RASGRF1: variants seen among roughly 807,000 people sequenced by gnomAD.
RASGRF1 encodes the protein ras-specific guanine nucleotide-releasing factor 1.
In RASGRF1, 40 loss-of-function variants were observed where a neutral mutation model predicts 138.7. The observed-to-expected ratio is 0.29, with a 90% CI of 0.22 to 0.38. RASGRF1 has a LOEUF of 0.38. Ranked by LOEUF, RASGRF1 falls within the 10% of genes least tolerant of loss-of-function variation. The pLI is 1.00. For synonymous variants in RASGRF1, 614 were observed against 663.2 expected (o/e 0.93, Z 1.14); for missense variants, 1,108 against 1,650.4 (o/e 0.67, Z 5.69).
intron 8 of RASGRF1, among the ~76,000 whole-genome samples, chr15:79,029,561 G>A (rs1370090925): frequency 3.3e-5 from 5 of 152,068 alleles, no homozygotes; most frequent in Non-Finnish European, 7.4e-5. Flanking sequence ...CGAGGCTCCT[G>A]GGAGCCCTGG....
intron 1 of RASGRF1, among the ~76,000 whole-genome samples, chr15:79,083,863 A>T (rs2057946166): frequency 6.6e-6 from 1 of 152,238 alleles, no homozygotes; most frequent in Admixed American, 6.5e-5. Context: ...TAGGTAAAAC[A>T]TGTACTCTGG....
At chr15:79,035,343 A>G (rs2057204461) in intron 5 of RASGRF1, 133 bp from the exon 6 acceptor site, 3 of 682,774 alleles carry the variant, frequency 4.4e-6, no homozygotes, top group South Asian at 2.0e-5. Flanking sequence ...TGAAAACTGC[A>G]CCGGCAGGAT....
At position 78,980,715 on chromosome 15, in the gene RASGRF1, A is replaced by G. The variant is rs768646198; in HGVS notation, c.3415-16T>C. 1 of 1,572,412 alleles carries G rather than the reference A, an allele frequency of 6.4e-7. No homozygotes were observed. The highest frequency in any genetic ancestry group is 8.7e-7 in the Non-Finnish European group (1 of 1,144,744). On this transcript the variant is annotated splice_polypyrimidine_tract_variant and intron_variant, in intron 23 of 26. Transcript: ENST00000558480. ...AAGCTTTAGTCTAGAAGGAAGCAGA[A>G]GCATTTACTAACACACAGCACACGC...
chr15:78,990,279 G>A lies in RASGRF1; in HGVS notation c.3132-6C>T, dbSNP rs1226561380. The A allele has an allele frequency of 1.3e-6, 2 of 1,572,770 alleles. No individual in the cohort carries two copies. The highest frequency in any genetic ancestry group is 2.2e-5 in the East Asian group (1 of 44,674). ...ATCCTTGTCCGAAGAACTCCCTGTA[G>A]GAAGTAAGGGGAGACCCAGGTGGAG... On this transcript the variant is annotated splice_region_variant and splice_polypyrimidine_tract_variant and intron_variant, in intron 21 of 26. Coordinates refer to ENST00000558480, the MANE Select transcript of RASGRF1 (RefSeq NM_001145648.3).
At chr15:78,994,023 G>A (rs2056337186) in intron 20 of RASGRF1, among the ~76,000 whole-genome samples, 1 of 152,228 alleles carries the variant, frequency 6.6e-6, no homozygotes, top group South Asian at 2.1e-4. Context: ...GGGCAGCTCA[G>A]CAGCTGTTTG....
chr15:79,058,247 C>T, intron 3 of RASGRF1, 87 bp downstream of exon 3: 1 of 1,528,422 alleles, frequency 6.5e-7, no homozygotes, highest in Non-Finnish European at 8.8e-7. Flanking sequence ...CTTTCCCTGC[C>T]TGTCATGTGG....
intron 20 of RASGRF1, among the ~76,000 whole-genome samples, chr15:78,993,962 C>A (rs769837509): frequency 1.3e-5 from 2 of 152,166 alleles, no homozygotes; most frequent in Non-Finnish European, 2.9e-5. Context: ...AGTGAGGCCG[C>A]GGGGCCCTCT....
In RASGRF1 at chr15:78,973,395, G is replaced by A. The variant is rs1299786596; in HGVS notation, c.3520C>T (p.Leu1174=). The change falls in exon 25 of 27, where the codon CTG becomes TTG. Residue 1174 remains leucine (L), a synonymous_variant. Transcript: ENST00000558480. The surrounding 1 kb of genome is among the most constrained non-coding windows in gnomAD (Gnocchi z 4.9). ...GCCAGGTCGGTGAGGTACATCCCCAGGTAAGGGACACAGGGTGGGTCACAA... is the reference window on the plus strand; with the variant it reads ...GCCAGGTCGGTGAGGTACATCCCCAAGTAAGGGACACAGGGTGGGTCACAA... ...KNCDPPCVPY[L]GMYLTDLAFI... is the part of the protein sequence containing the mutation. 1.9e-6 allele frequency: 3 copies of A among 1,613,194 alleles called. No individual in the cohort carries two copies. Among genetic ancestry groups the A allele is most frequent in the Admixed American group, 1.7e-5 (1 of 59,870 alleles).
At chr15:78,965,335 C>T (rs767414207) in intron 26 of RASGRF1, among the ~76,000 whole-genome samples, 15 of 152,142 alleles carry the variant, frequency 9.9e-5, no homozygotes, top group Admixed American at 2.6e-4. Flanking sequence ...AAAGCAGGGG[C>T]TCTAGCCCTG....
intron 1 of RASGRF1, among the ~76,000 whole-genome samples, chr15:79,086,117 A>T (rs1436943582): frequency 6.6e-6 from 1 of 152,126 alleles, no homozygotes; most frequent in Non-Finnish European, 1.5e-5. Flanking sequence ...ATGGTCTGGA[A>T]CGGGTTGGGT....
At position 79,003,427 on chromosome 15, in the gene RASGRF1, TCCCGGGCCCTGAATGGGCCTGG is replaced by T. The variant is rs1391406971; in HGVS notation, c.2449+353_2449+374del. On this transcript the variant is annotated intron_variant, in intron 15 of 26. Transcript: ENST00000558480. ...CAGGAGCTGCTGACGACCTCTTCTCTCCCGGGCCCTGAATGGGCCTGGCCCAGGCCCTGTCCTCTGCAGACAT... is the reference window on the plus strand; with the variant it reads ...CAGGAGCTGCTGACGACCTCTTCTCTCCCAGGCCCTGTCCTCTGCAGACAT... Among the ~76,000 whole-genome samples, 10 of 152,274 alleles carry T rather than the reference TCCCGGGCCCTGAATGGGCCTGG, an allele frequency of 6.6e-5. No individual in the cohort carries two copies. In the East Asian group the frequency reaches 9.7e-4, roughly 15 times the overall value.
chr15:78,973,568 A>G lies in RASGRF1; in HGVS notation c.3495-148T>C. On this transcript the variant is annotated intron_variant, in intron 24 of 26. Coordinates refer to ENST00000558480, the MANE Select transcript of RASGRF1 (RefSeq NM_001145648.3). This position sits in a 1 kb window ranked among gnomAD's most constrained non-coding sequence, Gnocchi z 4.9. ...ATCACACTACACTCTAGAACTGACT[A>G]TTCTACACGCCCAGGACTGTCGGCT... 4.9e-6 allele frequency: 3 copies of G among 607,652 alleles called. No homozygotes were observed. Among genetic ancestry groups the G allele is most frequent in the Admixed American group, 6.3e-5 (2 of 31,738 alleles). 37.6% of individuals were successfully genotyped at this position (607,652 alleles called of 1,614,324 possible). A position where few individuals can be genotyped will look rare whatever the true frequency, so the allele number is the denominator to read the frequency against.
intron 13 of RASGRF1, among the ~76,000 whole-genome samples, chr15:79,008,812 T>G (rs2056736667): frequency 6.6e-6 from 1 of 152,138 alleles, no homozygotes; most frequent in African/African-American, 2.4e-5. Context: ...CATTTCTGCT[T>G]GCTGGCATGA....
chr15:79,028,689 G>C (rs1331898952), intron 8 of RASGRF1, among the ~76,000 whole-genome samples: 2 of 152,098 alleles, frequency 1.3e-5, no homozygotes, highest in African/African-American at 2.4e-5. Context: ...AGTGGGGAAG[G>C]GGGGCTTCTG....
intron 13 of RASGRF1, 46 bp downstream of exon 13, chr15:79,015,279 TCA>T (rs1393218592): frequency 1.3e-6 from 2 of 1,547,070 alleles, no homozygotes; most frequent in Non-Finnish European, 1.8e-6. Context: ...CTTGTGGTAC[TCA>T]GTCTCTGGAA....
chr15:78,977,301 C>T (rs924060314), intron 24 of RASGRF1, among the ~76,000 whole-genome samples: 9 of 152,180 alleles, frequency 5.9e-5, no homozygotes, highest in Non-Finnish European at 1.3e-4. Flanking sequence ...CATCTTGAGG[C>T]CTGGGGAAGG....
chr15:79,076,400 G>A (rs542546389), intron 1 of RASGRF1, among the ~76,000 whole-genome samples: 1 of 152,284 alleles, frequency 6.6e-6, no homozygotes, highest in East Asian at 1.9e-4. Flanking sequence ...CAACGTGGTT[G>A]TTGTCATACT....
chr15:79,073,859 G>C lies in RASGRF1; in HGVS notation c.277-9333C>G, dbSNP rs1054080022. On this transcript the variant is annotated intron_variant, in intron 1 of 26. Coordinates refer to ENST00000558480, the MANE Select transcript of RASGRF1 (RefSeq NM_001145648.3). This position sits in a 1 kb window ranked among gnomAD's most constrained non-coding sequence, Gnocchi z 4.2. ...GAATTTGTTAGGACTGTAAGTTCTT[G>C]GGCTCCACCCCAGACCTCTGTTTTG... 2.6e-5 allele frequency among the ~76,000 whole-genome samples: 4 copies of C among 152,192 alleles called. No homozygotes were observed. The highest frequency in any genetic ancestry group is 1.9e-4 in the East Asian group (1 of 5,190).
chr15:78,997,573 A>T (rs2056421302), intron 19 of RASGRF1, among the ~76,000 whole-genome samples: 1 of 151,928 alleles, frequency 6.6e-6, no homozygotes, highest in South Asian at 2.1e-4. Flanking sequence ...TCTCTACTAA[A>T]AATACAAAAA....
Sources: gnomAD v4.1 joint callset for allele counts (sites outside exome capture counted in the v4.1 genomes callset) on GRCh38, gnomAD v4.1.1 for gene constraint, Gnocchi (gnomAD v3.1) non-coding constraint, MANE v1.5 for transcripts, NCBI Gene and HGNC (gene_info 2026-07-23, HGNC 2026-07-21) for gene names.